The following DAB1 variants were observed in gnomAD, a reference collection of about 807,000 sequenced individuals.
The protein encoded by DAB1 is disabled homolog 1.
In DAB1, 15 loss-of-function variants were observed where a neutral mutation model predicts 64.6. The ratio of observed to expected loss-of-function variants is 0.23; its 90% CI spans 0.16 to 0.36. The LOEUF (loss-of-function observed/expected upper bound fraction) is 0.36, where lower values mean the gene tolerates loss of function less well. Ranked by LOEUF, DAB1 falls within the 10% of genes least tolerant of loss-of-function variation. DAB1 has a pLI of 1.00. For missense variants in DAB1, 596 were observed against 706.7 expected (o/e 0.84, Z 1.78); for synonymous variants, 235 against 251.9 (o/e 0.93, Z 0.64).
At chr1:57,987,945 G>A (rs1646264434) in intron 5 of DAB1, among the ~76,000 whole-genome samples, 1 of 152,026 alleles carries the variant, frequency 6.6e-6, no homozygotes, top group Non-Finnish European at 1.5e-5. Context: ...CATGCCTGGA[G>A]CATCTGGTGG....
At chr1:57,237,335 A>G (rs1668166770) in intron 2 of DAB1, among the ~76,000 whole-genome samples, 1 of 152,208 alleles carries the variant, frequency 6.6e-6, no homozygotes, top group Non-Finnish European at 1.5e-5. Context: ...AAGCTTTACA[A>G]TTAAACACAA....
chr1:57,595,627 C>T (rs1211003326), intron 7 of DAB1, among the ~76,000 whole-genome samples: 2 of 149,610 alleles, frequency 1.3e-5, no homozygotes, highest in Admixed American at 6.7e-5. Context: ...GATCTGTGTT[C>T]CCCCCCCACC....
chr1:57,438,918 G>GA lies in DAB1; in HGVS notation n.626-147753dup, dbSNP rs138194253. On this transcript the variant is annotated intron_variant and non_coding_transcript_variant, in intron 7 of 20. Coordinates refer to the DAB1 transcript ENST00000485760. The stretch of plus-strand genomic sequence containing the variant: ...ATCTCTACCTCATTTCCTCCTTCCT[G>GA]AAAAATCTCAATTCCCATTTGGGGA... Among the ~76,000 whole-genome samples the GA allele has an allele frequency of 4.7e-3, 719 of 152,142 alleles. 3 individuals are homozygous for GA. The highest frequency in any genetic ancestry group is 0.017 in the African/African-American group (691 of 41,502).
intron 2 of DAB1, among the ~76,000 whole-genome samples, chr1:57,146,723 A>T (rs772763210): frequency 3.9e-5 from 6 of 152,200 alleles, no homozygotes; most frequent in Non-Finnish European, 8.8e-5. Context: ...TTCACTGGCA[A>T]CAGATGAATG....
At chr1:58,018,308 A>C (rs1318947887) in intron 5 of DAB1, among the ~76,000 whole-genome samples, 1 of 152,024 alleles carries the variant, frequency 6.6e-6, no homozygotes, top group African/African-American at 2.4e-5. Flanking sequence ...ACTACTCCCC[A>C]GCTGCCAGAA....
chr1:58,027,800 A>T (rs1234142278), intron 5 of DAB1, among the ~76,000 whole-genome samples: 1 of 152,214 alleles, frequency 6.6e-6, no homozygotes, highest in Non-Finnish European at 1.5e-5. Flanking sequence ...CAAAAAAATC[A>T]TAATAATGGG....
rs1239193169 is a variant in DAB1 at position 58,165,522 on chromosome 1, CG to C, written n.310-14935del. Among the ~76,000 whole-genome samples, 19 of 152,146 alleles carry C rather than the reference CG, an allele frequency of 1.2e-4. 1 individual carries two copies. Among genetic ancestry groups the C allele is most frequent in the African/African-American group, 2.4e-5 (1 of 41,444 alleles). On this transcript the variant is annotated intron_variant and non_coding_transcript_variant, in intron 4 of 20. Coordinates refer to the DAB1 transcript ENST00000485760. ...CTTGATAACATCTGCAAAAGGGCGG[CG>C]AGCTTCCCATATGTAAGTAGATACA...
intron 2 of DAB1, among the ~76,000 whole-genome samples, chr1:57,182,356 A>G (rs1323729361): frequency 6.6e-6 from 1 of 152,220 alleles, no homozygotes; most frequent in Non-Finnish European, 1.5e-5. Flanking sequence ...CATTGAAGGA[A>G]TTATAATGCT....
intron 5 of DAB1, among the ~76,000 whole-genome samples, chr1:58,053,845 T>C (rs1647873022): frequency 6.6e-6 from 1 of 152,234 alleles, no homozygotes. Context: ...AATGCTGTAC[T>C]ACCATACAAA....
At position 57,057,753 on chromosome 1, in the gene DAB1, G is replaced by A. The variant is rs545193034; in HGVS notation, c.723+5131C>T. On this transcript the variant is annotated intron_variant, in intron 9 of 14. Coordinates refer to ENST00000371236, the MANE Select transcript of DAB1 (RefSeq NM_001365792.1). ...CTCCCAAGCAGCTGGGACTACAGGTGCCTGCCACCATGCCTGGCTAATTTT... is the reference window on the plus strand; with the variant it reads ...CTCCCAAGCAGCTGGGACTACAGGTACCTGCCACCATGCCTGGCTAATTTT... Among the ~76,000 whole-genome samples, 9 of 148,562 alleles carry A rather than the reference G, an allele frequency of 6.1e-5. No homozygotes were observed. The East Asian group carries it at 9.9e-4, about 16-fold the overall frequency.
Position 57,090,620 on chromosome 1 carries a change from G to A in DAB1, c.307-18206C>T, listed in dbSNP as rs1328923863. ...CAAACAAGTGAGGTTGCAGGCCCAA[G>A]TTCAAACCTCTAGAATACAAAACTC... On this transcript the variant is annotated intron_variant, in intron 4 of 14. Coordinates refer to ENST00000371236, the MANE Select transcript of DAB1 (RefSeq NM_001365792.1). Among the ~76,000 whole-genome samples the A allele has an allele frequency of 1.3e-5, 2 of 152,138 alleles. 1 individual carries two copies. The highest frequency in any genetic ancestry group is 2.9e-5 in the Non-Finnish European group (2 of 68,026).
chr1:57,207,710 C>A (rs867451033), intron 2 of DAB1, among the ~76,000 whole-genome samples: 2 of 152,032 alleles, frequency 1.3e-5, no homozygotes, highest in Admixed American at 1.3e-4. Context: ...TCCCAAAGTG[C>A]TGGGATTACA....
At chr1:57,451,445 A>T (rs539219071) in intron 7 of DAB1, among the ~76,000 whole-genome samples, 8 of 152,146 alleles carry the variant, frequency 5.3e-5, no homozygotes, top group African/African-American at 9.7e-5. Context: ...ATAGTATTTT[A>T]TTTTTTAAAA....
At chr1:57,326,987 G>A (rs192541997) in intron 1 of DAB1, among the ~76,000 whole-genome samples, 4 of 152,106 alleles carry the variant, frequency 2.6e-5, no homozygotes, top group Non-Finnish European at 1.5e-5. Flanking sequence ...TGCCTGGATT[G>A]GAGTGCAGTG....
chr1:57,069,279 C>A (rs896520890), intron 8 of DAB1, 81 bp downstream of exon 8: 2 of 1,185,542 alleles, frequency 1.7e-6, no homozygotes, highest in East Asian at 2.4e-5. Context: ...ACCAACAGAA[C>A]CCTTGGTTCT....
chr1:58,168,086 T>C (rs1655961985), intron 4 of DAB1, among the ~76,000 whole-genome samples: 1 of 152,254 alleles, frequency 6.6e-6, no homozygotes, highest in East Asian at 1.9e-4. Flanking sequence ...TATTTTTCCT[T>C]AGAATTCAGG....
At chr1:57,696,067 G>A (rs1203607135) in intron 6 of DAB1, among the ~76,000 whole-genome samples, 1 of 152,184 alleles carries the variant, frequency 6.6e-6, no homozygotes, top group African/African-American at 2.4e-5. Flanking sequence ...TGTGTACTCA[G>A]AAGTCTTTTT....
chr1:57,650,446 A>C lies in DAB1; in HGVS notation n.552-781T>G, dbSNP rs148643001. Among the ~76,000 whole-genome samples the C allele has an allele frequency of 1.6e-4, 20 of 124,014 alleles. No individual in the cohort carries two copies. The East Asian group carries it at 3.1e-3, about 19-fold the overall frequency. 81.4% of individuals were successfully genotyped at this position (124,014 alleles called of 152,430 possible). ...CATCATAGGGTTATTTGTAAGAGGG[A>C]AACACCAAATAGAGGAATAAAAAAA... On this transcript the variant is annotated intron_variant and non_coding_transcript_variant, in intron 6 of 20. Coordinates refer to the DAB1 transcript ENST00000485760.
At chr1:58,307,241 T>C (rs910496979) in intron 4 of DAB1, among the ~76,000 whole-genome samples, 2 of 152,224 alleles carry the variant, frequency 1.3e-5, no homozygotes, top group African/African-American at 4.8e-5. Context: ...CTAGTTCTGT[T>C]CCATTAGTTA....
Sources: gnomAD v4.1 joint callset for allele counts (sites outside exome capture counted in the v4.1 genomes callset) on GRCh38, gnomAD v4.1.1 for gene constraint, MANE v1.5 for transcripts, NCBI Gene and HGNC (gene_info 2026-07-23, HGNC 2026-07-21) for gene names.